GLI3: variants seen among roughly 807,000 people sequenced by gnomAD.
GLI3 encodes transcription activator GLI3.
A neutral mutation model predicts 100.8 loss-of-function variants in GLI3; 20 were observed. That is an observed-to-expected ratio of 0.20 (90% confidence interval 0.14 to 0.29). GLI3 has a LOEUF of 0.29. Ranked by LOEUF, GLI3 falls within the 10% of genes least tolerant of loss-of-function variation. The pLI, the probability that GLI3 is intolerant of heterozygous loss-of-function variation, is 1.00. For synonymous variants in GLI3, 938 were observed against 860.5 expected (o/e 1.09, Z -1.58); for missense variants, 2,040 against 2,128.5 (o/e 0.96, Z 0.82).
intron 3 of GLI3, among the ~76,000 whole-genome samples, chr7:42,084,913 T>C (rs1785071281): frequency 7.3e-6 from 1 of 136,328 alleles, no homozygotes; most frequent in African/African-American, 2.8e-5. Flanking sequence ...TTTTTTTTTT[T>C]TTTTTTTTTT....
chr7:42,152,965 C>T lies in GLI3; in HGVS notation c.125-4497G>A, dbSNP rs1181113564. On this transcript the variant is annotated intron_variant, in intron 2 of 14. Transcript: ENST00000395925. ...CAGCTAGCCGCTCAGCTCAATTCAC[C>T]CCACACAAAGGCTGGAGCCTAGACC... is the stretch of plus-strand genomic sequence containing the variant. Among the ~76,000 whole-genome samples, 4 of 152,194 alleles carry T rather than the reference C, an allele frequency of 2.6e-5. No homozygotes were observed. In the East Asian group the frequency reaches 5.8e-4, roughly 22 times the overall value.
At chr7:42,020,537 C>G (rs1788906299) in intron 10 of GLI3, among the ~76,000 whole-genome samples, 1 of 152,096 alleles carries the variant, frequency 6.6e-6, no homozygotes, top group Non-Finnish European at 1.5e-5. Flanking sequence ...GAATGGGTCA[C>G]GGCTATAAAT....
chr7:42,234,190 CTTAGTACA>C lies in GLI3; in HGVS notation c.-43+2773_-43+2780del, dbSNP rs759577596. Among the ~76,000 whole-genome samples, 170 of 152,222 alleles carry C rather than the reference CTTAGTACA, an allele frequency of 1.1e-3. 1 individual carries two copies. The highest frequency in any genetic ancestry group is 1.8e-3 in the Non-Finnish European group (120 of 68,010). ...CACTTTTCCTTCAAGACTGGTTTTT[CTTAGTACA>C]TTACTGTCTCCATGTAAGTGAGTGC... is the stretch of plus-strand genomic sequence containing the variant. On this transcript the variant is annotated intron_variant, in intron 1 of 14. Coordinates refer to ENST00000395925, the MANE Select transcript of GLI3 (RefSeq NM_000168.6).
chr7:42,221,059 G>A (rs1430081501), intron 2 of GLI3, among the ~76,000 whole-genome samples: 1 of 152,200 alleles, frequency 6.6e-6, no homozygotes, highest in African/African-American at 2.4e-5. Context: ...TGTGGTTGAG[G>A]AAACAGGTGA....
chr7:42,033,981 A>G (rs957575757), intron 7 of GLI3, among the ~76,000 whole-genome samples: 2 of 152,212 alleles, frequency 1.3e-5, no homozygotes, highest in African/African-American at 4.8e-5. Flanking sequence ...GGAGAAAAAT[A>G]CATTAGGTTT....
At chr7:42,248,120 T>A (rs1788994117) in intron 1 of GLI3, among the ~76,000 whole-genome samples, 1 of 152,322 alleles carries the variant, frequency 6.6e-6, no homozygotes, top group African/African-American at 2.4e-5. Flanking sequence ...AAATATAAAA[T>A]AGCAGCATAC....
At chr7:41,967,976 A>T (rs1787234716) in intron 13 of GLI3, 53 bp from the exon 14 acceptor site, 1 of 1,396,988 alleles carries the variant, frequency 7.2e-7, no homozygotes, top group African/African-American at 1.4e-5. Flanking sequence ...GGTCAAGGAA[A>T]GGGAGCCAAT....
At chr7:42,169,126 G>A (rs1787309205) in intron 2 of GLI3, among the ~76,000 whole-genome samples, 1 of 151,190 alleles carries the variant, frequency 6.6e-6, no homozygotes, top group Non-Finnish European at 1.5e-5. Flanking sequence ...AATGGAAAGT[G>A]TCAATTCAAA....
In GLI3 at chr7:41,966,058, G is replaced by C; in HGVS notation, c.3015C>G (p.Ala1005=). The C allele has an allele frequency of 1.3e-6, 2 of 1,581,760 alleles. No individual in the cohort carries two copies. Among genetic ancestry groups the C allele is most frequent in the Non-Finnish European group, 8.5e-7 (1 of 1,170,194 alleles). The change falls in exon 15 of 15, where the codon GCC becomes GCG. Residue 1005 remains alanine (A), a synonymous_variant. Coordinates refer to ENST00000395925, the MANE Select transcript of GLI3 (RefSeq NM_000168.6). The surrounding 1 kb of genome is among the most constrained non-coding windows in gnomAD (Gnocchi z 5.8). Reference sequence around the variant, plus strand: ...CGGAGCCTGTCCGCACCGGGTCGCTGGCCCTCCTCACGCCGTGGCCCGGCG... The same window carrying C: ...CGGAGCCTGTCCGCACCGGGTCGCTCGCCCTCCTCACGCCGTGGCCCGGCG... ...HDAPGHGVRR[A]SDPVRTGSEG...
intron 3 of GLI3, among the ~76,000 whole-genome samples, chr7:42,078,396 G>GAAAA: frequency 6.6e-6 from 1 of 152,060 alleles, no homozygotes; most frequent in East Asian, 1.9e-4. Context: ...TGTTTATGAA[G>GAAAA]AAAAAAATCC....
At chr7:42,180,924 G>A (rs1294695115) in intron 2 of GLI3, among the ~76,000 whole-genome samples, 2 of 152,308 alleles carry the variant, frequency 1.3e-5, no homozygotes, top group East Asian at 3.9e-4. Flanking sequence ...TTACTGGAAA[G>A]GCGTTCCAAT....
chr7:42,219,540 C>A (rs1723583090), intron 2 of GLI3, among the ~76,000 whole-genome samples: 1 of 151,820 alleles, frequency 6.6e-6, no homozygotes, highest in Admixed American at 6.6e-5. Context: ...TGAACTGTAC[C>A]TTTTGGTTGT....
chr7:42,213,937 A>G (rs1432525145), intron 2 of GLI3, among the ~76,000 whole-genome samples: 10 of 152,256 alleles, frequency 6.6e-5, no homozygotes, highest in Admixed American at 6.5e-4. Context: ...GAAACCCTTA[A>G]ACATGGGTAC....
At chr7:42,082,184 C>T (rs149694392) in intron 3 of GLI3, among the ~76,000 whole-genome samples, 1 of 151,918 alleles carries the variant, frequency 6.6e-6, no homozygotes, top group Non-Finnish European at 1.5e-5. Context: ...AGAGATCCGA[C>T]TGCCAAGGAA....
At chr7:42,117,254 T>C (rs1785882428) in intron 3 of GLI3, among the ~76,000 whole-genome samples, 1 of 152,156 alleles carries the variant, frequency 6.6e-6, no homozygotes, top group South Asian at 2.1e-4. Flanking sequence ...AAGGAAATGA[T>C]ACCAGCAAAA....
chr7:41,998,810 C>G (rs1429615894), intron 10 of GLI3, among the ~76,000 whole-genome samples: 1 of 152,212 alleles, frequency 6.6e-6, no homozygotes, highest in East Asian at 1.9e-4. Flanking sequence ...TTATGCAAAT[C>G]TATGATGTAA....
At chr7:42,232,282 A>T (rs1788709235) in intron 1 of GLI3, among the ~76,000 whole-genome samples, 1 of 152,306 alleles carries the variant, frequency 6.6e-6, no homozygotes, top group Non-Finnish European at 1.5e-5. Context: ...TTTCCCCTAA[A>T]TCTCTGGAAA....
At chr7:42,117,697 G>A (rs1039235847) in intron 3 of GLI3, among the ~76,000 whole-genome samples, 3 of 152,226 alleles carry the variant, frequency 2.0e-5, no homozygotes, top group Non-Finnish European at 4.4e-5. Flanking sequence ...TCAGGCAGGA[G>A]CTGCCAGCAC....
At chr7:42,102,714 A>C (rs2128762688) in intron 3 of GLI3, among the ~76,000 whole-genome samples, 1 of 152,276 alleles carries the variant, frequency 6.6e-6, no homozygotes, top group Non-Finnish European at 1.5e-5. Flanking sequence ...ATAAGACGTA[A>C]ATTATCTAAG....
Sources: allele counts gnomAD v4.1 joint callset (sites outside exome capture counted in the v4.1 genomes callset), GRCh38; gene constraint gnomAD v4.1.1; non-coding constraint Gnocchi (gnomAD v3.1); transcripts MANE v1.5; gene names NCBI Gene and HGNC (gene_info 2026-07-23, HGNC 2026-07-21).